The following LRP1B variants were observed in gnomAD, a reference collection of about 807,000 sequenced individuals.
The protein encoded by LRP1B is LDL receptor related protein 1B, also known as low-density lipoprotein receptor-related protein 1B.
LRP1B carries 217 observed loss-of-function variants against 556.6 expected under a neutral mutation model. That is an observed-to-expected ratio of 0.39 (90% CI 0.35 to 0.44). LRP1B has a LOEUF of 0.44. Ranked by LOEUF, LRP1B falls within the 20% of genes least tolerant of loss-of-function variation. The pLI is 1.00. For synonymous variants in LRP1B, 2,047 were observed against 1,865.8 expected, an observed-to-expected ratio of 1.10 and a Z score of -2.50; for missense variants, 5,053 against 5,620.8, an observed-to-expected ratio of 0.90 and a Z score of 3.23.
intron 1 of LRP1B, among the ~76,000 whole-genome samples, chr2:142,008,260 C>G (rs1436698977): frequency 6.6e-6 from 1 of 152,186 alleles, no homozygotes; most frequent in Non-Finnish European, 1.5e-5. Flanking sequence ...CCTCCAACTT[C>G]TAGGGAAATG....
At chr2:141,998,408 T>A (rs1389391431) in intron 1 of LRP1B, among the ~76,000 whole-genome samples, 1 of 152,220 alleles carries the variant, frequency 6.6e-6, no homozygotes, top group Non-Finnish European at 1.5e-5. Context: ...ATACCGTACT[T>A]CTAATGTTAT....
At chr2:140,720,576 G>T (rs1317659894) in intron 35 of LRP1B, among the ~76,000 whole-genome samples, 1 of 151,982 alleles carries the variant, frequency 6.6e-6, no homozygotes, top group Admixed American at 6.6e-5. Flanking sequence ...TTTTTAGTTG[G>T]GAGAAAAGTT....
At chr2:141,277,551 G>C (rs1240089307) in intron 3 of LRP1B, among the ~76,000 whole-genome samples, 1 of 151,908 alleles carries the variant, frequency 6.6e-6, no homozygotes, top group African/African-American at 2.4e-5. Context: ...CTGATTAACT[G>C]AACAGCAAAG....
chr2:141,339,229 G>T (rs1687960596), intron 3 of LRP1B, among the ~76,000 whole-genome samples: 2 of 148,224 alleles, frequency 1.3e-5, no homozygotes, highest in Non-Finnish European at 1.5e-5. Flanking sequence ...TCCCTAATTA[G>T]ATTATAAGTG....
chr2:141,776,760 T>C (rs1426674096), intron 2 of LRP1B, among the ~76,000 whole-genome samples: 1 of 152,238 alleles, frequency 6.6e-6, no homozygotes, highest in Non-Finnish European at 1.5e-5. Context: ...TGAGATGCTA[T>C]ACTTGAAGTG....
At chr2:140,830,909 A>T (rs75355320) in intron 31 of LRP1B, among the ~76,000 whole-genome samples, 7,148 of 152,222 alleles carry the variant, frequency 0.047, 188 homozygotes, top group Middle Eastern at 0.11. Flanking sequence ...TATATCAGCC[A>T]ATGGTGAGCA....
At chr2:142,105,860 C>T (rs1706728995) in intron 1 of LRP1B, among the ~76,000 whole-genome samples, 1 of 152,010 alleles carries the variant, frequency 6.6e-6, no homozygotes, top group African/African-American at 2.4e-5. Flanking sequence ...GTTGTATACT[C>T]CTCTGATAAT....
At chr2:140,800,214 C>T (rs1690459757) in intron 32 of LRP1B, among the ~76,000 whole-genome samples, 1 of 151,946 alleles carries the variant, frequency 6.6e-6, no homozygotes, top group African/African-American at 2.4e-5. Context: ...CACTTGGACA[C>T]AGGAAGGGGA....
chr2:140,368,181 G>T (rs779729849), intron 71 of LRP1B, among the ~76,000 whole-genome samples: 4 of 151,806 alleles, frequency 2.6e-5, no homozygotes, highest in Non-Finnish European at 4.4e-5. Context: ...ATAATTTAAA[G>T]AGATTGGCTG....
chr2:141,818,891 T>C (rs62155398), intron 1 of LRP1B, among the ~76,000 whole-genome samples: 78,061 of 151,272 alleles, frequency 0.52, 20,290 homozygotes, highest in Non-Finnish European at 0.54. Context: ...CTTTCCTATC[T>C]AACACATTTC....
intron 41 of LRP1B, among the ~76,000 whole-genome samples, chr2:140,691,403 G>A (rs1031532259): frequency 1.3e-4 from 19 of 151,264 alleles, no homozygotes; most frequent in African/African-American, 4.4e-4. Context: ...CCTGGAAGGC[G>A]GAGGTTGTGG....
intron 32 of LRP1B, among the ~76,000 whole-genome samples, chr2:140,795,712 G>C (rs1284643709): frequency 6.6e-6 from 1 of 151,898 alleles, no homozygotes; most frequent in Non-Finnish European, 1.5e-5. Context: ...GTCTAGATTG[G>C]GCTGAATAAA....
chr2:140,878,996 A>C (rs1243052752), intron 25 of LRP1B, among the ~76,000 whole-genome samples: 3 of 151,926 alleles, frequency 2.0e-5, no homozygotes, highest in Non-Finnish European at 4.4e-5. Flanking sequence ...TTCCAAAAAA[A>C]AAAAAAAAAG....
At chr2:140,767,296 G>A (rs1689154066) in intron 35 of LRP1B, among the ~76,000 whole-genome samples, 2 of 151,896 alleles carry the variant, frequency 1.3e-5, no homozygotes, top group South Asian at 4.1e-4. Flanking sequence ...TAGCTTTTCT[G>A]AAAATAACTT....
chr2:141,100,477 A>G (rs190719539), intron 7 of LRP1B, among the ~76,000 whole-genome samples: 7 of 152,318 alleles, frequency 4.6e-5, no homozygotes, highest in Non-Finnish European at 1.0e-4. Flanking sequence ...GAAAGTGTTA[A>G]GAAGGGGTCA....
At chr2:141,762,009 AT>A (rs1399259343) in intron 2 of LRP1B, among the ~76,000 whole-genome samples, 1 of 152,020 alleles carries the variant, frequency 6.6e-6, no homozygotes, top group African/African-American at 2.4e-5. Flanking sequence ...TGAAAAGAAG[AT>A]TTTCACAGCA....
chr2:142,015,973 C>T (rs1283383996), intron 1 of LRP1B, among the ~76,000 whole-genome samples: 1 of 102,222 alleles, frequency 9.8e-6, no homozygotes, highest in Non-Finnish European at 1.8e-5. Flanking sequence ...GCCTGGGCAA[C>T]AGCGCGAGAC....
At chr2:140,824,210 AT>A (rs1320660610) in intron 31 of LRP1B, among the ~76,000 whole-genome samples, 2 of 152,116 alleles carry the variant, frequency 1.3e-5, no homozygotes, top group Non-Finnish European at 2.9e-5. Flanking sequence ...TATTAAATAT[AT>A]TTTAAGAAAA....
At chr2:140,255,080 A>G (rs1180169900) in intron 86 of LRP1B, among the ~76,000 whole-genome samples, 1 of 152,212 alleles carries the variant, frequency 6.6e-6, no homozygotes, top group Admixed American at 6.5e-5. Context: ...ATTTGTTTAA[A>G]TCAAGCTTCA....
Sources: gnomAD v4.1 joint callset for allele counts (sites outside exome capture counted in the v4.1 genomes callset) on GRCh38, gnomAD v4.1.1 for gene constraint, MANE v1.5 for transcripts, NCBI Gene and HGNC (gene_info 2026-07-23, HGNC 2026-07-21) for gene names.